Variants in RAC1 observed in about 807,000 individuals in gnomAD.
RAC1 encodes the protein Rac family small GTPase 1, also known as ras-related C3 botulinum toxin substrate 1.
Under a neutral mutation model 25.2 loss-of-function variants are expected in RAC1, and 2 were observed. The ratio of observed to expected loss-of-function variants is 0.08; its 90% CI spans 0.03 to 0.25. RAC1 has a LOEUF of 0.25. Ranked by LOEUF, RAC1 falls within the 10% of genes least tolerant of loss-of-function variation. The pLI, the probability that RAC1 is intolerant of heterozygous loss-of-function variation, is 1.00. For missense variants in RAC1, 50 were observed against 235.7 expected (o/e 0.21, Z 5.16); for synonymous variants, 88 against 94.0 (o/e 0.94, Z 0.37).
chr7:6,394,763 C>G (rs1783182624), intron 3 of RAC1, among the ~76,000 whole-genome samples: 1 of 152,180 alleles, frequency 6.6e-6, no homozygotes, highest in South Asian at 2.1e-4. Flanking sequence ...TCACTGCAAC[C>G]TCCGCTTCCC....
In RAC1 at chr7:6,384,847, G is replaced by A. The variant is rs550885189; in HGVS notation, c.36-2365G>A. Among the ~76,000 whole-genome samples, 261 of 152,176 alleles carry A rather than the reference G, an allele frequency of 1.7e-3. 1 individual carries two copies. The highest frequency in any genetic ancestry group is 5.9e-3 in the African/African-American group (246 of 41,508). On this transcript the variant is annotated intron_variant, in intron 1 of 5. Coordinates refer to ENST00000348035, the MANE Select transcript of RAC1 (RefSeq NM_006908.5). ...AGACAGGGTCTCACTTTGTCCCTCA[G>A]ACTGGATGCACTGGTGCAATCTTGT...
rs1254406866 is a variant in RAC1 at position 6,403,100 on chromosome 7, T to TGAA, written c.*658_*660dup. ...TGAACAGAACTGCTATTTCCTCTAATGAAGAATTCTGTTTAGCTGTGGGTG... is the reference window on the plus strand; with the variant it reads ...TGAACAGAACTGCTATTTCCTCTAATGAAGAAGAATTCTGTTTAGCTGTGGGTG... On this transcript the variant is annotated 3_prime_UTR_variant, in exon 6 of 6. Transcript: ENST00000348035. 1.9e-5 allele frequency: 4 copies of TGAA among 208,498 alleles called. No homozygotes were observed. The East Asian group carries it at 2.9e-4, about 15-fold the overall frequency. The allele number at this position is 208,498 out of a possible 1,614,324, so 12.9% of individuals were successfully genotyped here.
chr7:6,381,091 C>G (rs1346406940), intron 1 of RAC1, among the ~76,000 whole-genome samples: 1 of 152,172 alleles, frequency 6.6e-6, no homozygotes, highest in East Asian at 1.9e-4. Context: ...TGGTCTGGAA[C>G]TCCTGACCTC....
rs1423516236 is a variant in RAC1 at position 6,377,198 on chromosome 7, C to CT, written c.35+2429dup. Among the ~76,000 whole-genome samples the CT allele has an allele frequency of 2.0e-3, 286 of 144,452 alleles. 1 individual carries two copies. Among genetic ancestry groups the CT allele is most frequent in the African/African-American group, 7.4e-3 (277 of 37,490 alleles). 94.8% of individuals were successfully genotyped at this position (144,452 alleles called of 152,430 possible). A position where few individuals can be genotyped will look rare whatever the true frequency, so the allele number is the denominator to read the frequency against. ...AAGTCTGTGGCCTTGAGTTTTCAGTCTGTTTTTTTTTTTTAATTAGTTATG... is the reference window on the plus strand; with the variant it reads ...AAGTCTGTGGCCTTGAGTTTTCAGTCTTGTTTTTTTTTTTTAATTAGTTATG... On this transcript the variant is annotated intron_variant, in intron 1 of 5. Coordinates refer to ENST00000348035, the MANE Select transcript of RAC1 (RefSeq NM_006908.5).
At chr7:6,395,481 A>G (rs836471) in intron 3 of RAC1, among the ~76,000 whole-genome samples, 78,212 of 152,092 alleles carry the variant, frequency 0.51, 21,202 homozygotes, top group African/African-American at 0.69. Flanking sequence ...GCACCTGGGG[A>G]CTGTGGGAAT....
At chr7:6,398,832 A>G in intron 3 of RAC1, 1 of 995,530 alleles carries the variant, frequency 1.0e-6, no homozygotes, top group Non-Finnish European at 1.5e-6. Context: ...TTTATATTTA[A>G]TTCACTCAAG....
intron 2 of RAC1, among the ~76,000 whole-genome samples, chr7:6,389,203 CAAA>C (rs5882093): frequency 0.17 from 22,990 of 138,636 alleles, 2,037 homozygotes; most frequent in Admixed American, 0.24. Context: ...CTCTGTCTCC[CAAA>C]AAAAAAAAAA....
rs759631104 is a variant in RAC1 at position 6,403,433 on chromosome 7, A to C, written c.*987A>C. 25 of 215,032 alleles carry C rather than the reference A, an allele frequency of 1.2e-4. No individual in the cohort carries two copies. Among genetic ancestry groups the C allele is most frequent in the Non-Finnish European group, 2.2e-4 (23 of 106,492 alleles). The allele number at this position is 215,032 out of a possible 1,614,324, so 13.3% of individuals were successfully genotyped here. ...TTTCTTATAGAACCCCTTCTGACTG[A>C]GCAATATGCCTCCTTGTATTATAAA... is the stretch of plus-strand genomic sequence containing the variant. On this transcript the variant is annotated 3_prime_UTR_variant, in exon 6 of 6. Coordinates refer to ENST00000348035, the MANE Select transcript of RAC1 (RefSeq NM_006908.5).
intron 1 of RAC1, among the ~76,000 whole-genome samples, chr7:6,384,470 C>G (rs141085637): frequency 9.3e-4 from 141 of 152,308 alleles, no homozygotes; most frequent in African/African-American, 3.2e-3. Flanking sequence ...TTTCCCTATG[C>G]CACTGCCCAC....
rs1263816051 is a variant in RAC1 at position 6,391,582 on chromosome 7, T to C, written c.108-342T>C. On this transcript the variant is annotated intron_variant, in intron 2 of 5. Transcript: ENST00000348035. The stretch of plus-strand genomic sequence containing the variant: ...ATAAGTACATGAAAAACCCAACAAG[T>C]AGGATTTGAAAGCGGGGCTAATTGT... The C allele has an allele frequency of 2.2e-5, 6 of 278,892 alleles. No homozygotes were observed. The East Asian group carries it at 5.1e-4, about 24-fold the overall frequency. The allele number at this position is 278,892 out of a possible 1,614,324, so 17.3% of individuals were successfully genotyped here. A position where few individuals can be genotyped will look rare whatever the true frequency, so the allele number is the denominator to read the frequency against.
chr7:6,380,858 T>TTTTTG (rs1015495782), intron 1 of RAC1, among the ~76,000 whole-genome samples: 9 of 152,142 alleles, frequency 5.9e-5, no homozygotes, highest in African/African-American at 1.2e-4. Context: ...TTGATTTTGT[T>TTTTTG]TTTTGTTTTG....
intron 1 of RAC1, among the ~76,000 whole-genome samples, chr7:6,380,032 CTGTCT>C: frequency 6.6e-6 from 1 of 152,342 alleles, no homozygotes; most frequent in African/African-American, 2.4e-5. Context: ...GGCTAGTGGC[CTGTCT>C]AGCCCAATGT....
At chr7:6,378,358 C>T (rs2115182555) in intron 1 of RAC1, among the ~76,000 whole-genome samples, 1 of 152,014 alleles carries the variant, frequency 6.6e-6, no homozygotes, top group African/African-American at 2.4e-5. Context: ...CCAGCCTGGC[C>T]AACATGGCAA....
Position 6,374,779 on chromosome 7 carries a change from G to C in RAC1, c.35+9G>C. On this transcript the variant is annotated intron_variant, in intron 1 of 5. Transcript: ENST00000348035. Reference sequence around the variant, plus strand: ...GTGGTGGTGGGAGACGGGTGAGTGCGCGGCCGGGGCCGGGCTGGAGGCCGC... The same window carrying C: ...GTGGTGGTGGGAGACGGGTGAGTGCCCGGCCGGGGCCGGGCTGGAGGCCGC... The C allele has an allele frequency of 1.6e-5, 18 of 1,135,236 alleles. No individual in the cohort carries two copies. The highest frequency in any genetic ancestry group is 2.0e-5 in the Non-Finnish European group (18 of 920,870). The allele number at this position is 1,135,236 out of a possible 1,614,324, so 70.3% of individuals were successfully genotyped here.
chr7:6,374,830 GC>G, intron 1 of RAC1, 60 bp downstream of exon 1: 1 of 1,070,514 alleles, frequency 9.3e-7, no homozygotes, highest in Non-Finnish European at 1.1e-6. Context: ...GGGGGGTTGG[GC>G]CCGGACTGGG....
Position 6,392,060 on chromosome 7 carries a change from T to A in RAC1, c.225+19T>A. 6.2e-7 allele frequency: 1 copy of A among 1,614,070 alleles called. No individual in the cohort carries two copies. The highest frequency in any genetic ancestry group is 8.5e-7 in the Non-Finnish European group (1 of 1,179,932). ...GCAAACAGTAAGGATTGCAGCTGAC[T>A]TTTAATGTGTCTTTTAGAGTATATA... is the stretch of plus-strand genomic sequence containing the variant. On this transcript the variant is annotated intron_variant, in intron 3 of 5. Coordinates refer to ENST00000348035, the MANE Select transcript of RAC1 (RefSeq NM_006908.5).
intron 1 of RAC1, among the ~76,000 whole-genome samples, chr7:6,383,406 T>C (rs1459744550): frequency 6.8e-6 from 1 of 146,746 alleles, no homozygotes; most frequent in Non-Finnish European, 1.5e-5. Context: ...ATCTTTTGAT[T>C]GCACTAAGCT....
chr7:6,391,887 T>C (rs1183352977), intron 2 of RAC1, 37 bp from the exon 3 acceptor site: 19 of 1,613,848 alleles, frequency 1.2e-5, no homozygotes, highest in Non-Finnish European at 1.4e-5. Flanking sequence ...ACTTAGCTTC[T>C]ACACCTGTGA....
intron 1 of RAC1, among the ~76,000 whole-genome samples, chr7:6,385,194 A>T (rs1365376488): frequency 6.6e-6 from 1 of 152,214 alleles, no homozygotes; most frequent in Non-Finnish European, 1.5e-5. Context: ...TCACACGCAT[A>T]ATTTCATGTG....
Sources: gnomAD v4.1 joint callset for allele counts (sites outside exome capture counted in the v4.1 genomes callset) on GRCh38, gnomAD v4.1.1 for gene constraint, MANE v1.5 for transcripts, NCBI Gene and HGNC (gene_info 2026-07-23, HGNC 2026-07-21) for gene names.